ENOX1: variants seen among roughly 807,000 people sequenced by gnomAD.
ENOX1 encodes the protein candidate growth-related and time keeping constitutive hydroquinone (NADH) oxidase.
A neutral mutation model predicts 82.5 loss-of-function variants in ENOX1; 42 were observed. The observed-to-expected ratio is 0.51, with a 90% CI of 0.40 to 0.66. The LOEUF is 0.66. ENOX1 is among the 30% of genes least tolerant of loss of function. ENOX1 has a pLI of 0.00. For synonymous variants in ENOX1, 271 were observed against 282.2 expected (o/e 0.96, Z 0.40); for missense variants, 608 against 811.6 (o/e 0.75, Z 3.05).
At chr13:43,553,587 C>T (rs914609033) in intron 2 of ENOX1, among the ~76,000 whole-genome samples, 5 of 152,060 alleles carry the variant, frequency 3.3e-5, no homozygotes, top group African/African-American at 7.2e-5. Context: ...CAGATAATGA[C>T]AAGTAGAGGG....
intron 3 of ENOX1, among the ~76,000 whole-genome samples, chr13:43,449,120 T>C (rs1189916829): frequency 6.6e-6 from 1 of 152,202 alleles, no homozygotes; most frequent in Non-Finnish European, 1.5e-5. Flanking sequence ...GAGGCCCAAG[T>C]TGCTCTCTGC....
chr13:43,520,750 G>A (rs1183596499), intron 2 of ENOX1, among the ~76,000 whole-genome samples: 1 of 152,266 alleles, frequency 6.6e-6, no homozygotes, highest in East Asian at 1.9e-4. Flanking sequence ...TTAAGGTCAG[G>A]AAAGTGGCAG....
At chr13:43,504,281 C>T (rs1379874523) in intron 2 of ENOX1, among the ~76,000 whole-genome samples, 3 of 151,626 alleles carry the variant, frequency 2.0e-5, no homozygotes, top group Non-Finnish European at 3.0e-5. Context: ...CTTAAAGAAT[C>T]AGAACTACCA....
chr13:43,564,641 T>C (rs972178861), intron 2 of ENOX1, among the ~76,000 whole-genome samples: 2 of 152,166 alleles, frequency 1.3e-5, no homozygotes, highest in African/African-American at 2.4e-5. Context: ...AAAATGCAGA[T>C]TGCCAACATC....
At chr13:43,384,974 G>C (rs920108821) in intron 5 of ENOX1, among the ~76,000 whole-genome samples, 1 of 152,066 alleles carries the variant, frequency 6.6e-6, no homozygotes, top group Non-Finnish European at 1.5e-5. Context: ...TCTCAGAGAA[G>C]GATATTGTGT....
At position 43,642,946 on chromosome 13, in the gene ENOX1, A is replaced by G. The variant is rs140686197; in HGVS notation, c.-219+24533T>C. On this transcript the variant is annotated intron_variant, in intron 2 of 16. Transcript: ENST00000690772. ...ATTTGTGTCCATGATCATACAGTCC[A>G]ATGTAAGGAAAAATACAAGTGGAAA... 1.2e-3 allele frequency among the ~76,000 whole-genome samples: 186 copies of G among 152,344 alleles called. 4 individuals are homozygous for G. In the East Asian group the frequency reaches 0.029, roughly 24 times the overall value.
chr13:43,511,025 A>G (rs1175971497), intron 2 of ENOX1, among the ~76,000 whole-genome samples: 1 of 152,116 alleles, frequency 6.6e-6, no homozygotes, highest in Non-Finnish European at 1.5e-5. Flanking sequence ...TATATTTTAC[A>G]TTGCTGAATT....
At chr13:43,722,212 T>C (rs1318996656) in intron 1 of ENOX1, among the ~76,000 whole-genome samples, 2 of 152,248 alleles carry the variant, frequency 1.3e-5, no homozygotes, top group African/African-American at 2.4e-5. Flanking sequence ...CATTGCTTTA[T>C]ACACATGTTA....
At chr13:43,378,636 A>C (rs2051812038) in intron 5 of ENOX1, among the ~76,000 whole-genome samples, 1 of 152,180 alleles carries the variant, frequency 6.6e-6, no homozygotes, top group Non-Finnish European at 1.5e-5. Flanking sequence ...AGCTGCTGTG[A>C]TCTCTCATAA....
intron 11 of ENOX1, among the ~76,000 whole-genome samples, chr13:43,317,765 G>A (rs2047587882): frequency 2.0e-5 from 3 of 151,940 alleles, no homozygotes; most frequent in Admixed American, 2.0e-4. Context: ...CAACACTTTG[G>A]GAGGCCGAGG....
intron 2 of ENOX1, among the ~76,000 whole-genome samples, chr13:43,580,770 A>C (rs1322960213): frequency 6.6e-6 from 1 of 152,224 alleles, no homozygotes. Context: ...GTAAGGTTAC[A>C]GCCTCTCTTA....
At chr13:43,582,575 C>T (rs1039547219) in intron 2 of ENOX1, among the ~76,000 whole-genome samples, 21 of 151,836 alleles carry the variant, frequency 1.4e-4, no homozygotes, top group Non-Finnish European at 3.1e-4. Context: ...CATTTTATTT[C>T]TTTTTCTTTT....
chr13:43,706,656 T>G (rs2087310159), intron 1 of ENOX1, among the ~76,000 whole-genome samples: 1 of 150,970 alleles, frequency 6.6e-6, no homozygotes, highest in African/African-American at 2.4e-5. Flanking sequence ...AAAACTATGA[T>G]CATTGTAAGA....
At chr13:43,748,734 T>C (rs1950157727) in intron 1 of ENOX1, among the ~76,000 whole-genome samples, 1 of 152,218 alleles carries the variant, frequency 6.6e-6, no homozygotes, top group South Asian at 2.1e-4. Context: ...CTTAGCACAG[T>C]ACCAGACATA....
chr13:43,752,811 C>A (rs1028577425), intron 1 of ENOX1, among the ~76,000 whole-genome samples: 1 of 151,880 alleles, frequency 6.6e-6, no homozygotes, highest in East Asian at 1.9e-4. Context: ...AGTCCTCCAA[C>A]CTTCTTCTTT....
At chr13:43,537,884 C>T (rs1045225604) in intron 2 of ENOX1, among the ~76,000 whole-genome samples, 5 of 152,200 alleles carry the variant, frequency 3.3e-5, no homozygotes, top group Non-Finnish European at 5.9e-5. Context: ...CCTGCATCTG[C>T]CCAGCCTTCT....
rs572685783 is a variant in ENOX1 at position 43,258,521 on chromosome 13, G to A, written c.1611+6877C>T. On this transcript the variant is annotated intron_variant, in intron 14 of 16. Coordinates refer to ENST00000690772, the MANE Select transcript of ENOX1 (RefSeq NM_001347969.2). Reference sequence around the variant, plus strand: ...ACAGGGCTATAACTGGGGGAGAAGAGCAAGTTCTGGGTATGAGCATTTAAT... The same window carrying A: ...ACAGGGCTATAACTGGGGGAGAAGAACAAGTTCTGGGTATGAGCATTTAAT... Among the ~76,000 whole-genome samples the A allele has an allele frequency of 3.3e-4, 50 of 152,282 alleles. No homozygotes were observed. The East Asian group carries it at 9.3e-3, about 28-fold the overall frequency.
At chr13:43,428,576 G>C (rs1462076385) in intron 3 of ENOX1, among the ~76,000 whole-genome samples, 1 of 152,172 alleles carries the variant, frequency 6.6e-6, no homozygotes, top group Non-Finnish European at 1.5e-5. Flanking sequence ...TAGAAAGGCT[G>C]GGAGGTGGAG....
At chr13:43,719,312 C>CACACAT (rs1410297778) in intron 1 of ENOX1, among the ~76,000 whole-genome samples, 1 of 135,292 alleles carries the variant, frequency 7.4e-6, no homozygotes, top group African/African-American at 3.2e-5. Context: ...TACACACACA[C>CACACAT]ACACACACAC....
Sources: gnomAD v4.1 joint callset for allele counts (sites outside exome capture counted in the v4.1 genomes callset) on GRCh38, gnomAD v4.1.1 for gene constraint, MANE v1.5 for transcripts, NCBI Gene and HGNC (gene_info 2026-07-23, HGNC 2026-07-21) for gene names.